Variants in PIGG observed in about 807,000 individuals in gnomAD.
The protein encoded by PIGG is phosphatidylinositol glycan anchor biosynthesis class G (EMM blood group), also known as GPI ethanolamine phosphate transferase 2, catalytic subunit.
In PIGG, 70 loss-of-function variants were observed where a neutral mutation model predicts 83.2. That is an observed-to-expected ratio of 0.84 (90% CI 0.69 to 1.03). PIGG has a LOEUF of 1.03. Among genes scored for constraint, PIGG ranks in the 50% least tolerant of loss-of-function variants. The pLI, the probability that PIGG is intolerant of heterozygous loss-of-function variation, is 0.00. For missense variants in PIGG, 1,257 were observed against 1,233.6 expected (o/e 1.02, Z -0.28); for synonymous variants, 532 against 519.5 (o/e 1.02, Z -0.33).
At chr4:517,387 C>G (rs1724283106) in intron 6 of PIGG, among the ~76,000 whole-genome samples, 1 of 152,020 alleles carries the variant, frequency 6.6e-6, no homozygotes, top group Admixed American at 6.6e-5. Flanking sequence ...ACGAGCAGAC[C>G]AGAGGCGTTA....
chr4:503,285 A>G (rs1445042759), intron 2 of PIGG, among the ~76,000 whole-genome samples: 1 of 151,886 alleles, frequency 6.6e-6, no homozygotes, highest in African/African-American at 2.4e-5. Context: ...GGCCCAAATC[A>G]CTTCTGGACA....
intron 2 of PIGG, chr4:502,471 G>A (rs1399742822): frequency 6.6e-6 from 1 of 152,240 alleles, no homozygotes; most frequent in Non-Finnish European, 1.5e-5. Flanking sequence ...ATCTCCTGGT[G>A]TTGATACATT....
At chr4:530,079 G>C (rs1034505191) in intron 10 of PIGG, among the ~76,000 whole-genome samples, 2 of 152,188 alleles carry the variant, frequency 1.3e-5, no homozygotes, top group East Asian at 3.8e-4. Flanking sequence ...TTATACTAGT[G>C]CGTTGGGTTT....
At chr4:505,006 T>C (rs1719090271) in intron 2 of PIGG, among the ~76,000 whole-genome samples, 2 of 152,162 alleles carry the variant, frequency 1.3e-5, no homozygotes, top group Non-Finnish European at 2.9e-5. Flanking sequence ...AGGTAGACAT[T>C]GGAATTGCTG....
In PIGG at chr4:515,082, A is replaced by G. The variant is rs1233395774; in HGVS notation, c.902-891A>G. Among the ~76,000 whole-genome samples, 2 of 152,264 alleles carry G rather than the reference A, an allele frequency of 1.3e-5. No individual in the cohort carries two copies. The highest frequency in any genetic ancestry group is 4.8e-5 in the African/African-American group (2 of 41,476). On this transcript the variant is annotated intron_variant, in intron 5 of 12. Coordinates refer to ENST00000453061, the MANE Select transcript of PIGG (RefSeq NM_001127178.3). This position sits in a 1 kb window ranked among gnomAD's most constrained non-coding sequence, Gnocchi z 4.2. ...AATTTGACCAAATTAAAAACTCGCT[A>G]CAAAAAACTTACCACAATCAAAGTA...
chr4:511,786 T>G (rs1303584452), intron 5 of PIGG, among the ~76,000 whole-genome samples: 1 of 152,258 alleles, frequency 6.6e-6, no homozygotes, highest in Non-Finnish European at 1.5e-5. Context: ...AAGGCAGATT[T>G]GCTAGCAAAG....
rs767600730 is a variant in PIGG, at chr4:516,062, G to C, written c.991G>C (p.Val331Leu). The stretch of plus-strand genomic sequence containing the variant: ...TGGCTTACCGATTCCAAAAGACAGT[G>C]TAGGGAGCCTCCTATTCCCAGTTGT... Reference protein sequence around the residue: ...ALGLPIPKDSVGSLLFPVVEG... With the variant: ...ALGLPIPKDSLGSLLFPVVEG... The change falls in exon 6 of 13, where the codon GTA (valine) becomes CTA (leucine). Residue 331 changes from valine (V) to leucine (L), a missense_variant. By Grantham distance (32) the Val-to-Leu change is conservative (BLOSUM62 1). Coordinates refer to ENST00000453061, the MANE Select transcript of PIGG (RefSeq NM_001127178.3). 6.2e-7 allele frequency: 1 copy of C among 1,614,122 alleles called. No individual in the cohort carries two copies. The highest frequency in any genetic ancestry group is 1.7e-5 in the Admixed American group (1 of 60,036).
chr4:507,367 T>C, intron 3 of PIGG, 38 bp from the exon 4 acceptor site: 1 of 1,500,900 alleles, frequency 6.7e-7, no homozygotes, highest in Non-Finnish European at 9.1e-7. Flanking sequence ...TCCAGGGAAA[T>C]TAGGTGAGTT....
At position 499,406 on chromosome 4, in the gene PIGG, T is replaced by A. The variant is rs1553874056; in HGVS notation, c.71T>A (p.Leu24His). ...AIEVLGIAVF[L>H]RGFFPAPVRS... is the part of the protein sequence containing the mutation. ...GAGGTGCTAGGGATCGCGGTCTTCC[T>A]TCGGGGATTCTTCCCGGCTCCCGTT... Residue 24 changes from leucine (L) to histidine (H), a missense_variant, in exon 1 of 13, where the codon CTT (leucine) becomes CAT (histidine). Coordinates refer to ENST00000453061, the MANE Select transcript of PIGG (RefSeq NM_001127178.3). The A allele has an allele frequency of 6.2e-7, 1 of 1,609,490 alleles. No individual in the cohort carries two copies. Among genetic ancestry groups the A allele is most frequent in the South Asian group, 1.1e-5 (1 of 90,970 alleles).
rs1271418111 is a variant in PIGG at position 530,570 on chromosome 4, G to C, written c.2396G>C (p.Ser799Thr). 1.9e-6 allele frequency: 3 copies of C among 1,613,722 alleles called. No homozygotes were observed. The East Asian group carries it at 6.7e-5, about 36-fold the overall frequency. ...LKTVGLWEIY[S>T]GLVLLAALLF... Reference sequence around the variant, plus strand: ...ACTGTAGGTTTATGGGAGATATATAGTGGATTAGTTCTTCTGGCAGCCTTG... The same window carrying C: ...ACTGTAGGTTTATGGGAGATATATACTGGATTAGTTCTTCTGGCAGCCTTG... Residue 799 changes from serine to threonine, a missense_variant, in exon 11 of 13, where the codon AGT becomes ACT. By Grantham distance (58) the Ser-to-Thr change is moderately conservative (BLOSUM62 1). Transcript: ENST00000453061.
chr4:502,296 T>C (rs1718033037), intron 2 of PIGG: 1 of 152,196 alleles, frequency 6.6e-6, no homozygotes, highest in Admixed American at 6.5e-5. Context: ...TTCAGTCCTT[T>C]GAGGATTCTT....
At chr4:503,127 G>C (rs1464578137) in intron 2 of PIGG, among the ~76,000 whole-genome samples, 1 of 152,052 alleles carries the variant, frequency 6.6e-6, no homozygotes, top group African/African-American at 2.4e-5. Flanking sequence ...TCTCTACCCC[G>C]CACAAGAAAC....
Position 527,106 on chromosome 4 carries a change from C to G in PIGG, c.2137C>G (p.Gln713Glu). Reference sequence around the variant, plus strand: ...CCTCCTCGTAGTTTTTGTGCTGGTGCAGAGGGGGTGCTCCCCTGTGTCCAA... The same window carrying G: ...CCTCCTCGTAGTTTTTGTGCTGGTGGAGAGGGGGTGCTCCCCTGTGTCCAA... ...LSLLVVFVLV[Q>E]RGCSPVSKAA... Residue 713 changes from glutamine (Q) to glutamate (E), a missense_variant, in exon 10 of 13, where the codon CAG (glutamine) becomes GAG (glutamate). Transcript: ENST00000453061. The G allele has an allele frequency of 1.9e-6, 3 of 1,614,142 alleles. No homozygotes were observed. The highest frequency in any genetic ancestry group is 2.5e-6 in the Non-Finnish European group (3 of 1,180,010).
chr4:523,373 C>G (rs1320564974), intron 8 of PIGG, 86 bp from the exon 9 acceptor site: 2 of 980,570 alleles, frequency 2.0e-6, no homozygotes, highest in African/African-American at 3.2e-5. Flanking sequence ...CCAGGGCATT[C>G]TCTGCTGTGA....
At chr4:527,751 C>T in intron 10 of PIGG, 2 of 985,390 alleles carry the variant, frequency 2.0e-6, no homozygotes, top group Non-Finnish European at 2.4e-6. Flanking sequence ...CGGGAGGGCT[C>T]AGTCAGGAGG....
Position 530,710 on chromosome 4 carries a change from C to T in PIGG, c.2536C>T (p.His846Tyr), listed in dbSNP as rs368126393. The T allele has an allele frequency of 3.1e-5, 50 of 1,612,892 alleles. No individual in the cohort carries two copies. Among genetic ancestry groups the T allele is most frequent in the Middle Eastern group, 1.6e-4 (1 of 6,082 alleles). The change falls in exon 11 of 13, where the codon CAT becomes TAT. Residue 846 changes from histidine (H) to tyrosine (Y), a missense_variant. Coordinates refer to ENST00000453061, the MANE Select transcript of PIGG (RefSeq NM_001127178.3). ...RHDAAEITVM[H>Y]YWFGQAFFYF... Reference sequence around the variant, plus strand: ...CGATGCAGCTGAGATTACTGTGATGCATTATTGGTTTGGTCAAGCATTCTT... The same window carrying T: ...CGATGCAGCTGAGATTACTGTGATGTATTATTGGTTTGGTCAAGCATTCTT...
rs1373017326 is a variant in PIGG at position 530,709 on chromosome 4, G to A, written c.2535G>A (p.Met845Ile). Residue 845 changes from methionine to isoleucine, a missense_variant, in exon 11 of 13, where the codon ATG becomes ATA. Physicochemically the swap from Met to Ile is conservative, Grantham distance 10. Coordinates refer to ENST00000453061, the MANE Select transcript of PIGG (RefSeq NM_001127178.3). ...LRHDAAEITV[M>I]HYWFGQAFFY... ...ACGATGCAGCTGAGATTACTGTGATGCATTATTGGTTTGGTCAAGCATTCT... is the reference window on the plus strand; with the variant it reads ...ACGATGCAGCTGAGATTACTGTGATACATTATTGGTTTGGTCAAGCATTCT... 1.9e-6 allele frequency: 3 copies of A among 1,613,266 alleles called. No individual in the cohort carries two copies. Among genetic ancestry groups the A allele is most frequent in the South Asian group, 1.1e-5 (1 of 91,046 alleles).
At chr4:512,731 C>G (rs955276788) in intron 5 of PIGG, among the ~76,000 whole-genome samples, 58 of 151,986 alleles carry the variant, frequency 3.8e-4, no homozygotes, top group Non-Finnish European at 7.6e-4. Context: ...AGGAGAATCA[C>G]TTGAACCCGG....
rs1725934037 is a variant in PIGG at position 521,674 on chromosome 4, C to T, written c.1347C>T (p.Leu449=). 2 of 1,613,974 alleles carry T rather than the reference C, an allele frequency of 1.2e-6. No individual in the cohort carries two copies. Among genetic ancestry groups the T allele is most frequent in the African/African-American group, 2.7e-5 (2 of 74,940 alleles). The change falls in exon 8 of 13, where the codon CTC becomes CTT. Residue 449 remains leucine, a synonymous_variant. Coordinates refer to ENST00000453061, the MANE Select transcript of PIGG (RefSeq NM_001127178.3). ...TVVVLEVLTL[L]LLSVPQALRR... Reference sequence around the variant, plus strand: ...CTCTGTTCCAGGTTCTCACCCTGCTCCTGCTCAGCGTCCCACAGGCACTGC... The same window carrying T: ...CTCTGTTCCAGGTTCTCACCCTGCTTCTGCTCAGCGTCCCACAGGCACTGC...
Sources: allele counts gnomAD v4.1 joint callset (sites outside exome capture counted in the v4.1 genomes callset), GRCh38; gene constraint gnomAD v4.1.1; non-coding constraint Gnocchi (gnomAD v3.1); transcripts MANE v1.5; gene names NCBI Gene and HGNC (gene_info 2026-07-23, HGNC 2026-07-21).